Variants in LRRIQ1 observed in about 807,000 individuals in gnomAD.
LRRIQ1 encodes the protein leucine-rich repeat- and IQ domain-containing protein 1.
In LRRIQ1, 210 loss-of-function variants were observed where a neutral mutation model predicts 211.9. That is an observed-to-expected ratio of 0.99 (90% confidence interval 0.89 to 1.11). The LOEUF is 1.11. Ranked by LOEUF, LRRIQ1 falls within the 50% of genes most tolerant of loss-of-function variation. The pLI, the probability that LRRIQ1 is intolerant of heterozygous loss-of-function variation, is 0.00. For missense variants in LRRIQ1, 2,136 were observed against 1,939.5 expected (o/e 1.10, Z -1.90); for synonymous variants, 699 against 650.1 (o/e 1.08, Z -1.14).
At chr12:85,258,737 G>T (rs558768011) in intron 1 of LRRIQ1, among the ~76,000 whole-genome samples, 9 of 151,820 alleles carry the variant, frequency 5.9e-5, no homozygotes, top group African/African-American at 1.9e-4. Context: ...TTTTCTCCAT[G>T]CTTTATTTAT....
chr12:85,091,119 T>G (rs1217915264), intron 11 of LRRIQ1, among the ~76,000 whole-genome samples: 1 of 152,166 alleles, frequency 6.6e-6, no homozygotes, highest in Non-Finnish European at 1.5e-5. Flanking sequence ...TGCTCCCTAA[T>G]TGCCTTTTAC....
intron 25 of LRRIQ1, among the ~76,000 whole-genome samples, chr12:85,230,473 T>C (rs1461006032): frequency 6.6e-6 from 1 of 152,182 alleles, no homozygotes; most frequent in African/African-American, 2.4e-5. Context: ...CCAGTGATAT[T>C]GGATTAAGGC....
chr12:85,196,276 C>G (rs377547183), intron 24 of LRRIQ1, among the ~76,000 whole-genome samples: 1 of 151,722 alleles, frequency 6.6e-6, no homozygotes, highest in Non-Finnish European at 1.5e-5. Context: ...GATTCAATGC[C>G]ATCCCCATCA....
At chr12:85,083,718 A>G (rs1269949438) in intron 11 of LRRIQ1, among the ~76,000 whole-genome samples, 1 of 152,156 alleles carries the variant, frequency 6.6e-6, no homozygotes, top group Non-Finnish European at 1.5e-5. Context: ...GATTACAGGC[A>G]TCAGCCACCG....
chr12:85,124,520 G>A lies in LRRIQ1; in HGVS notation c.4007+1G>A. 1 of 1,596,306 alleles carries A rather than the reference G, an allele frequency of 6.3e-7. No homozygotes were observed. Among genetic ancestry groups the A allele is most frequent in the Non-Finnish European group, 8.6e-7 (1 of 1,168,032 alleles). On this transcript the variant is annotated splice_donor_variant, in intron 17 of 26. Transcript: ENST00000393217. LOFTEE classifies it high-confidence loss of function. ...AAAATATTGAGCCTAGTGAAAAAATGTAAGATATATAAATAATGTTTCTTT... is the reference window on the plus strand; with the variant it reads ...AAAATATTGAGCCTAGTGAAAAAATATAAGATATATAAATAATGTTTCTTT...
chr12:85,140,119 T>C (rs773581033), intron 19 of LRRIQ1, among the ~76,000 whole-genome samples: 2 of 151,386 alleles, frequency 1.3e-5, no homozygotes, highest in Non-Finnish European at 3.0e-5. Flanking sequence ...ATTCTAAATT[T>C]ATCTCCAATG....
At chr12:85,233,062 A>G (rs1347100907) in intron 26 of LRRIQ1, 3 of 268,684 alleles carry the variant, frequency 1.1e-5, no homozygotes, top group Non-Finnish European at 2.1e-5. Context: ...ATTTTAGAAG[A>G]GTAGAATTTG....
chr12:85,044,258 C>T (rs771507081), intron 3 of LRRIQ1, among the ~76,000 whole-genome samples: 1 of 151,948 alleles, frequency 6.6e-6, no homozygotes, highest in Non-Finnish European at 1.5e-5. Flanking sequence ...AATTCAACAA[C>T]TCATAAAATA....
At chr12:85,175,703 CA>C (rs1891665775) in intron 24 of LRRIQ1, among the ~76,000 whole-genome samples, 1 of 151,998 alleles carries the variant, frequency 6.6e-6, no homozygotes, top group African/African-American at 2.4e-5. Flanking sequence ...GGAAGGGATC[CA>C]GTTTCAGCTT....
intron 24 of LRRIQ1, among the ~76,000 whole-genome samples, chr12:85,222,218 T>C (rs1894437150): frequency 6.6e-6 from 1 of 152,300 alleles, no homozygotes; most frequent in Admixed American, 6.5e-5. Context: ...TTTGAATACA[T>C]GTCTCAGAAG....
chr12:85,122,455 T>TTCA (rs1888056814), intron 16 of LRRIQ1, among the ~76,000 whole-genome samples: 2 of 152,140 alleles, frequency 1.3e-5, no homozygotes, highest in Non-Finnish European at 2.9e-5. Context: ...CCTCGAATTC[T>TTCA]GAATGCATTA....
intron 15 of LRRIQ1, among the ~76,000 whole-genome samples, chr12:85,108,730 T>G (rs1886958125): frequency 6.6e-6 from 1 of 152,138 alleles, no homozygotes; most frequent in Middle Eastern, 3.2e-3. Context: ...TTATTGTACA[T>G]TTGACATTTT....
At position 85,056,674 on chromosome 12, in the gene LRRIQ1, C is replaced by T. The variant is rs550886780; in HGVS notation, c.1881C>T (p.Asn627=). The change falls in exon 8 of 27, where the codon AAC becomes AAT. Residue 627 remains asparagine (N), a synonymous_variant. Transcript: ENST00000393217. Reference sequence around the variant, plus strand: ...AAAATTCCAAAGATGTAAGAGAAAACGTAATATTACAAGAAAAAGAAATTT... The same window carrying T: ...AAAATTCCAAAGATGTAAGAGAAAATGTAATATTACAAGAAAAAGAAATTT... ...TSENSKDVRE[N]VILQEKEIYS... is the part of the protein sequence containing the mutation. 1,044 of 1,603,406 alleles carry T rather than the reference C, an allele frequency of 6.5e-4. 22 individuals carry two copies. In the South Asian group the frequency reaches 0.011, roughly 17 times the overall value.
At chr12:85,203,956 G>T (rs1201175404) in intron 24 of LRRIQ1, among the ~76,000 whole-genome samples, 1 of 151,962 alleles carries the variant, frequency 6.6e-6, no homozygotes, top group Non-Finnish European at 1.5e-5. Flanking sequence ...TGTCTCCAGG[G>T]CATGTCAGAG....
intron 11 of LRRIQ1, among the ~76,000 whole-genome samples, chr12:85,077,259 G>T (rs1294035530): frequency 2.0e-5 from 3 of 152,166 alleles, no homozygotes; most frequent in African/African-American, 7.2e-5. Context: ...AGAATTATTT[G>T]AAATAGATAT....
intron 24 of LRRIQ1, among the ~76,000 whole-genome samples, chr12:85,217,610 GTATATATA>G (rs368931157): frequency 9.7e-5 from 13 of 133,604 alleles, no homozygotes; most frequent in African/African-American, 2.7e-4. Context: ...ATGTATATGT[GTATATATA>G]TGTATATATG....
At chr12:85,068,532 C>A (rs745605942) in intron 10 of LRRIQ1, among the ~76,000 whole-genome samples, 10 of 151,596 alleles carry the variant, frequency 6.6e-5, no homozygotes, top group Non-Finnish European at 1.5e-4. Flanking sequence ...TAAAGGAGAT[C>A]CCCAGACCAT....
At chr12:85,083,120 G>T (rs764444717) in intron 11 of LRRIQ1, among the ~76,000 whole-genome samples, 1 of 152,152 alleles carries the variant, frequency 6.6e-6, no homozygotes, top group Non-Finnish European at 1.5e-5. Context: ...TTCCAGGTTT[G>T]TGTGGGATTG....
intron 11 of LRRIQ1, among the ~76,000 whole-genome samples, chr12:85,087,095 C>G (rs1188492458): frequency 1.3e-5 from 2 of 152,022 alleles, no homozygotes; most frequent in African/African-American, 4.8e-5. Flanking sequence ...CCTCCCCATC[C>G]CCCCACCCCA....
Sources: gnomAD v4.1 joint callset for allele counts (sites outside exome capture counted in the v4.1 genomes callset) on GRCh38, gnomAD v4.1.1 for gene constraint, MANE v1.5 for transcripts, NCBI Gene and HGNC (gene_info 2026-07-23, HGNC 2026-07-21) for gene names.